Variants in OPRK1 observed in about 807,000 individuals in gnomAD.
OPRK1 encodes the protein opioid receptor kappa 1.
In OPRK1, 15 loss-of-function variants were observed where a neutral mutation model predicts 24.5. The observed-to-expected ratio is 0.61, with a 90% CI of 0.41 to 0.94. The LOEUF is 0.94. OPRK1 is among the 40% of genes least tolerant of loss of function. OPRK1 has a pLI of 0.00. For missense variants in OPRK1, 479 were observed against 507.3 expected (o/e 0.94, Z 0.54); for synonymous variants, 205 against 198.0 (o/e 1.04, Z -0.30).
chr8:53,249,680 CAA>C (rs1807321894), intron 2 of OPRK1, among the ~76,000 whole-genome samples: 1 of 152,006 alleles, frequency 6.6e-6, no homozygotes, highest in African/African-American at 2.4e-5. Context: ...GATAATTTTC[CAA>C]GAGAAACATT....
In OPRK1 at chr8:53,233,798, C is replaced by T. The variant is rs937500738; in HGVS notation, c.610+961G>A. Among the ~76,000 whole-genome samples, 20 of 152,218 alleles carry T rather than the reference C, an allele frequency of 1.3e-4. No homozygotes were observed. In the East Asian group the frequency reaches 3.9e-3, roughly 29 times the overall value. ...AGGCTGTACCCCAGGTCAATTACAC[C>T]AGACCCTTAAGGGGTGGGATGCAGG... On this transcript the variant is annotated intron_variant, in intron 3 of 3. Coordinates refer to ENST00000265572, the MANE Select transcript of OPRK1 (RefSeq NM_000912.5).
chr8:53,234,202 A>AAAAAAAAAAAAAAAAAAAAAAC (rs1806930517), intron 3 of OPRK1, among the ~76,000 whole-genome samples: 1 of 151,224 alleles, frequency 6.6e-6, no homozygotes, highest in Non-Finnish European at 1.5e-5. Flanking sequence ...AAAAAAAAAA[A>AAAAAAAAAAAAAAAAAAAAAAC]ATCAGTTGGC....
Position 53,225,889 on chromosome 8 carries a change from G to C in OPRK1, c.*3408C>G, listed in dbSNP as rs117200557. The C allele has an allele frequency of 1.3e-5, 2 of 152,390 alleles. No individual in the cohort carries two copies. Among genetic ancestry groups the C allele is most frequent in the East Asian group, 1.9e-4 (1 of 5,194 alleles). 9.4% of individuals were successfully genotyped at this position (152,390 alleles called of 1,614,324 possible). On this transcript the variant is annotated 3_prime_UTR_variant, in exon 4 of 4. Coordinates refer to ENST00000265572, the MANE Select transcript of OPRK1 (RefSeq NM_000912.5). ...GAAGAAAATTGCCTTAAGGAAGCTG[G>C]GTTATACCGTTTTTGGATGTGATTT...
intron 2 of OPRK1, among the ~76,000 whole-genome samples, chr8:53,247,129 G>A (rs1436650774): frequency 6.6e-6 from 1 of 152,252 alleles, no homozygotes; most frequent in Non-Finnish European, 1.5e-5. Context: ...ACACTTGGGT[G>A]TGTTGTCAAG....
chr8:53,238,788 A>C, intron 2 of OPRK1: 1 of 859,198 alleles, frequency 1.2e-6, no homozygotes, highest in Non-Finnish European at 1.4e-6. Context: ...TCACCATGCT[A>C]GAAAGGTGGC....
intron 2 of OPRK1, chr8:53,242,734 C>G: frequency 1.1e-6 from 1 of 915,004 alleles, no homozygotes; most frequent in Non-Finnish European, 1.4e-6. Context: ...TCTCCATCTC[C>G]TGACCTCGTG....
In OPRK1 at chr8:53,234,996, G is replaced by T; in HGVS notation, c.373C>A (p.Pro125Thr). Residue 125 changes from proline (P) to threonine (T), a missense_variant, in exon 3 of 4, where the codon CCT becomes ACT. Physicochemically the swap from Pro to Thr is conservative, Grantham distance 38. Coordinates refer to ENST00000265572, the MANE Select transcript of OPRK1 (RefSeq NM_000912.5). ...ATCTTGCACAGCACATCCCCAAAAG[G>T]CCAGGAATTCATCAAGTAGACCGTA... Reference protein sequence around the residue: ...QSTVYLMNSWPFGDVLCKIVI... With the variant: ...QSTVYLMNSWTFGDVLCKIVI... The T allele has an allele frequency of 1.2e-6, 2 of 1,614,144 alleles. No homozygotes were observed.
intron 1 of OPRK1, 72 bp downstream of exon 1, chr8:53,251,376 G>A (rs1807395260): frequency 2.7e-6 from 1 of 374,788 alleles, no homozygotes; most frequent in Non-Finnish European, 4.8e-6. Context: ...TGAGTCCCCA[G>A]GGTCAAGCCC....
intron 2 of OPRK1, among the ~76,000 whole-genome samples, chr8:53,246,053 C>T (rs559841667): frequency 4.6e-4 from 70 of 152,248 alleles, no homozygotes; most frequent in Non-Finnish European, 8.7e-4. Flanking sequence ...TGATCCTTGA[C>T]TAATACAGAG....
chr8:53,243,005 C>T (rs1240658341), intron 2 of OPRK1: 3 of 1,223,112 alleles, frequency 2.5e-6, no homozygotes, highest in African/African-American at 3.1e-5. Context: ...CTTCCTTATC[C>T]AAGACATAAA....
intron 2 of OPRK1, among the ~76,000 whole-genome samples, chr8:53,238,926 G>A (rs558503360): frequency 1.3e-5 from 2 of 152,328 alleles, no homozygotes; most frequent in East Asian, 3.9e-4. Flanking sequence ...AGCATGCTTT[G>A]CTGTTGAGGT....
chr8:53,251,302 C>T, intron 1 of OPRK1, 146 bp downstream of exon 1: 1 of 524,884 alleles, frequency 1.9e-6, no homozygotes, highest in Non-Finnish European at 3.3e-6. Flanking sequence ...CTCCCCCAGC[C>T]CCTGAGGTGC....
At chr8:53,247,062 C>T (rs1807247033) in intron 2 of OPRK1, among the ~76,000 whole-genome samples, 1 of 152,180 alleles carries the variant, frequency 6.6e-6, no homozygotes, top group South Asian at 2.1e-4. Context: ...AGGTTACTGG[C>T]TTGATCAAGG....
intron 2 of OPRK1, among the ~76,000 whole-genome samples, chr8:53,236,161 C>A (rs888539478): frequency 5.9e-5 from 9 of 152,202 alleles, no homozygotes; most frequent in African/African-American, 1.9e-4. Flanking sequence ...CTGAACATTT[C>A]ATGATAGAAC....
At chr8:53,242,891 C>T in intron 2 of OPRK1, 3 of 1,288,194 alleles carry the variant, frequency 2.3e-6, no homozygotes, top group Non-Finnish European at 3.0e-6. Context: ...ATGGTTTTGT[C>T]GTCTTCCATT....
chr8:53,235,200 T>C (rs1806962555), intron 2 of OPRK1, 89 bp from the exon 3 acceptor site: 1 of 1,115,680 alleles, frequency 9.0e-7, no homozygotes, highest in South Asian at 1.5e-5. Flanking sequence ...GGATTACTGA[T>C]TTTGCTTCTT....
At chr8:53,232,545 A>G (rs182090077) in intron 3 of OPRK1, among the ~76,000 whole-genome samples, 360 of 152,252 alleles carry the variant, frequency 2.4e-3, no homozygotes, top group South Asian at 4.4e-3. Flanking sequence ...AAAACTAAGC[A>G]TTTTTTAAAA....
chr8:53,235,723 T>C (rs779669719), intron 2 of OPRK1, among the ~76,000 whole-genome samples: 5 of 152,232 alleles, frequency 3.3e-5, no homozygotes, highest in Non-Finnish European at 7.3e-5. Flanking sequence ...TTACACATCA[T>C]AGCACTAAGC....
chr8:53,240,711 AG>A (rs1203868641), intron 2 of OPRK1, among the ~76,000 whole-genome samples: 1 of 152,042 alleles, frequency 6.6e-6, no homozygotes, highest in African/African-American at 2.4e-5. Context: ...GGCTGGTCAA[AG>A]GATACAAAGC....
Sources: allele counts gnomAD v4.1 joint callset (sites outside exome capture counted in the v4.1 genomes callset), GRCh38; gene constraint gnomAD v4.1.1; transcripts MANE v1.5; gene names NCBI Gene and HGNC (gene_info 2026-07-23, HGNC 2026-07-21).